COL26A1: variants seen among roughly 807,000 people sequenced by gnomAD.
COL26A1 encodes collagen alpha-1(XXVI) chain.
In COL26A1, 41 loss-of-function variants were observed where a neutral mutation model predicts 59.3. That is an observed-to-expected ratio of 0.69 (90% CI 0.54 to 0.90). The LOEUF is 0.90. COL26A1 is among the 40% of genes least tolerant of loss of function. The pLI is 0.00. For synonymous variants in COL26A1, 266 were observed against 256.0 expected, an observed-to-expected ratio of 1.04 and a Z score of -0.37; for missense variants, 612 against 602.3, an observed-to-expected ratio of 1.02 and a Z score of -0.17.
At chr7:101,535,945 C>T (rs1191662465) in intron 4 of COL26A1, among the ~76,000 whole-genome samples, 1 of 152,174 alleles carries the variant, frequency 6.6e-6, no homozygotes, top group Non-Finnish European at 1.5e-5. Flanking sequence ...AGACTCCTAT[C>T]TTAGCTCCCC....
At chr7:101,391,983 G>C (rs1000447222) in intron 1 of COL26A1, among the ~76,000 whole-genome samples, 1 of 152,016 alleles carries the variant, frequency 6.6e-6, no homozygotes, top group Admixed American at 6.6e-5. Flanking sequence ...TTCCTAAAGT[G>C]CTGGGATTAC....
chr7:101,520,631 C>CAT (rs1031081888), intron 3 of COL26A1, among the ~76,000 whole-genome samples: 1 of 132,508 alleles, frequency 7.5e-6, no homozygotes, highest in African/African-American at 2.8e-5. Flanking sequence ...AGCACAGACA[C>CAT]ATACACACAC....
intron 2 of COL26A1, among the ~76,000 whole-genome samples, chr7:101,430,157 T>C (rs1030306594): frequency 1.3e-5 from 2 of 152,218 alleles, no homozygotes; most frequent in African/African-American, 2.4e-5. Context: ...TCTTGTAGTT[T>C]TGGGCATACA....
At position 101,447,714 on chromosome 7, in the gene COL26A1, A is replaced by T; in HGVS notation, c.312A>T (p.Arg104Ser). ...GGACTCTGATCAGACCCACCTACAGAGTGTCCTACCGCACGGTGACGGTGC... is the reference window on the plus strand; with the variant it reads ...GGACTCTGATCAGACCCACCTACAGTGTGTCCTACCGCACGGTGACGGTGC... The part of the protein sequence containing the change: ...SYRTLIRPTY[R>S]VSYRTVTVLE... Residue 104 changes from arginine (R) to serine (S), a missense_variant, in exon 3 of 13, where the codon AGA becomes AGT. Coordinates refer to ENST00000313669, the MANE Select transcript of COL26A1 (RefSeq NM_001278563.3). 1 of 1,605,084 alleles carries T rather than the reference A, an allele frequency of 6.2e-7. No homozygotes were observed. Among genetic ancestry groups the T allele is most frequent in the Non-Finnish European group, 8.5e-7 (1 of 1,176,012 alleles).
At chr7:101,386,285 T>C (rs1325373430) in intron 1 of COL26A1, among the ~76,000 whole-genome samples, 1 of 151,350 alleles carries the variant, frequency 6.6e-6, no homozygotes, top group South Asian at 2.1e-4. Context: ...TTTTTTAATT[T>C]TTTGAGACAG....
At chr7:101,489,103 C>CTTTGATTA (rs1332852731) in intron 3 of COL26A1, among the ~76,000 whole-genome samples, 1 of 152,126 alleles carries the variant, frequency 6.6e-6, no homozygotes, top group East Asian at 1.9e-4. Context: ...TTTGTTCCCT[C>CTTTGATTA]TTTGATTAAT....
intron 3 of COL26A1, among the ~76,000 whole-genome samples, chr7:101,530,253 T>C (rs957687520): frequency 6.6e-6 from 1 of 151,900 alleles, no homozygotes; most frequent in Admixed American, 6.6e-5. Context: ...CGCACAGGAA[T>C]CATTGGTTGT....
rs1021029968 is a variant in COL26A1, at chr7:101,363,682, C to T, written c.158+492C>T. On this transcript the variant is annotated intron_variant, in intron 1 of 12. Coordinates refer to ENST00000313669, the MANE Select transcript of COL26A1 (RefSeq NM_001278563.3). ...CTCCGGGGCTGCGGTGGTCTCTGGC[C>T]GCGCCCACCCTGTCCCTTCCTTTCT... 1.2e-4 allele frequency among the ~76,000 whole-genome samples: 18 copies of T among 151,818 alleles called. No individual in the cohort carries two copies. In the East Asian group the frequency reaches 3.1e-3, roughly 26 times the overall value.
At chr7:101,553,836 G>A (rs1210996216) in intron 11 of COL26A1, among the ~76,000 whole-genome samples, 1 of 152,124 alleles carries the variant, frequency 6.6e-6, no homozygotes, top group Non-Finnish European at 1.5e-5. Context: ...TGGAGGAAGA[G>A]GGACTTGCAA....
Position 101,489,662 on chromosome 7 carries a change from T to TG in COL26A1, c.385+41875_385+41876insG, listed in dbSNP as rs1261017743. Among the ~76,000 whole-genome samples, 482 of 53,658 alleles carry TG rather than the reference T, an allele frequency of 9.0e-3. 61 individuals carry two copies. Among genetic ancestry groups the TG allele is most frequent in the African/African-American group, 0.032 (160 of 5,052 alleles). 35.2% of individuals were successfully genotyped at this position (53,658 alleles called of 152,430 possible). ...CTTTCTTTCTTTCTTTCTTTCTTTC[T>TG]TCCTTCCTTCCTTCCTTCCTTTCTT... is the stretch of plus-strand genomic sequence containing the variant. On this transcript the variant is annotated intron_variant, in intron 3 of 12. Coordinates refer to ENST00000313669, the MANE Select transcript of COL26A1 (RefSeq NM_001278563.3).
chr7:101,453,378 G>T (rs916561741), intron 3 of COL26A1, among the ~76,000 whole-genome samples: 3 of 152,128 alleles, frequency 2.0e-5, no homozygotes, highest in African/African-American at 7.2e-5. Context: ...AAAAGGAAAA[G>T]AAATTTTATG....
At chr7:101,518,508 C>T (rs1369926724) in intron 3 of COL26A1, among the ~76,000 whole-genome samples, 1 of 152,222 alleles carries the variant, frequency 6.6e-6, no homozygotes, top group East Asian at 1.9e-4. Context: ...GGTCAGGAAC[C>T]ACAGAGTCCG....
At chr7:101,421,623 C>T (rs1792522973) in intron 2 of COL26A1, among the ~76,000 whole-genome samples, 1 of 150,682 alleles carries the variant, frequency 6.6e-6, no homozygotes, top group Non-Finnish European at 1.5e-5. Flanking sequence ...TGCAGTAAAC[C>T]GAGATTGCGC....
intron 11 of COL26A1, among the ~76,000 whole-genome samples, chr7:101,554,567 T>TAAA (rs57638079): frequency 0.051 from 6,110 of 120,086 alleles, 215 homozygotes; most frequent in Middle Eastern, 0.082. Context: ...CCCCATTTCT[T>TAAA]AAAAAAAAAA....
intron 2 of COL26A1, among the ~76,000 whole-genome samples, chr7:101,425,751 C>T (rs1350777258): frequency 6.6e-6 from 1 of 151,358 alleles, no homozygotes; most frequent in Non-Finnish European, 1.5e-5. Flanking sequence ...AAATGATCGG[C>T]CTCCCTCGGC....
intron 4 of COL26A1, among the ~76,000 whole-genome samples, chr7:101,536,060 C>T (rs1196684660): frequency 6.6e-6 from 1 of 152,174 alleles, no homozygotes; most frequent in Non-Finnish European, 1.5e-5. Context: ...CGTGCTATCT[C>T]AGTGTGGTGG....
intron 3 of COL26A1, among the ~76,000 whole-genome samples, chr7:101,492,129 A>G (rs1277497756): frequency 6.6e-6 from 1 of 152,158 alleles, no homozygotes; most frequent in Non-Finnish European, 1.5e-5. Context: ...TGGATGTTGA[A>G]TTTAAGAGGG....
At chr7:101,514,832 C>T (rs555392824) in intron 3 of COL26A1, among the ~76,000 whole-genome samples, 1 of 152,354 alleles carries the variant, frequency 6.6e-6, no homozygotes, top group East Asian at 1.9e-4. Context: ...ACCCATCCGC[C>T]ACCACCATAT....
chr7:101,379,194 C>A (rs1791390533), intron 1 of COL26A1, among the ~76,000 whole-genome samples: 1 of 152,136 alleles, frequency 6.6e-6, no homozygotes, highest in Admixed American at 6.5e-5. Flanking sequence ...TTGGCCTGCC[C>A]CGGGCACCCA....
Sources: allele counts gnomAD v4.1 joint callset (sites outside exome capture counted in the v4.1 genomes callset), GRCh38; gene constraint gnomAD v4.1.1; transcripts MANE v1.5; gene names NCBI Gene and HGNC (gene_info 2026-07-23, HGNC 2026-07-21).